The following GRIP1 variants were observed in gnomAD, a reference collection of about 807,000 sequenced individuals.
GRIP1 encodes the protein glutamate receptor-interacting protein 1.
In GRIP1, 45 loss-of-function variants were observed where a neutral mutation model predicts 129.9. The observed-to-expected ratio is 0.35, with a 90% CI of 0.27 to 0.44. The LOEUF is 0.44. Ranked by LOEUF, GRIP1 falls within the 20% of genes least tolerant of loss-of-function variation. The pLI, the probability that GRIP1 is intolerant of heterozygous loss-of-function variation, is 1.00. For missense variants in GRIP1, 1,196 were observed against 1,396.8 expected, an observed-to-expected ratio of 0.86 and a Z score of 2.29; for synonymous variants, 530 against 520.8, an observed-to-expected ratio of 1.02 and a Z score of -0.24.
At chr12:66,864,445 G>C (rs1450170762) in intron 1 of GRIP1, among the ~76,000 whole-genome samples, 1 of 152,132 alleles carries the variant, frequency 6.6e-6, no homozygotes, top group East Asian at 1.9e-4. Context: ...GCTGGGTGTG[G>C]TGGCTCACAC....
At chr12:66,942,200 T>C (rs936680690) in intron 1 of GRIP1, among the ~76,000 whole-genome samples, 3 of 152,188 alleles carry the variant, frequency 2.0e-5, no homozygotes, top group African/African-American at 7.2e-5. Context: ...TCCAAGCTAG[T>C]TGTGGCTGCC....
chr12:67,050,409 T>G (rs2043324469), intron 1 of GRIP1, among the ~76,000 whole-genome samples: 1 of 152,194 alleles, frequency 6.6e-6, no homozygotes, highest in African/African-American at 2.4e-5. Context: ...TGTAATTCAT[T>G]GTTTAAGGGC....
intron 1 of GRIP1, among the ~76,000 whole-genome samples, chr12:66,890,585 C>T (rs1333646424): frequency 6.6e-6 from 1 of 152,066 alleles, no homozygotes; most frequent in Non-Finnish European, 1.5e-5. Flanking sequence ...TTCGAAAGTA[C>T]TACAGCTGCA....
In GRIP1 at chr12:66,820,182, G is replaced by A. The variant is rs371466845; in HGVS notation, c.59-223255C>T. Among the ~76,000 whole-genome samples, 26 of 152,322 alleles carry A rather than the reference G, an allele frequency of 1.7e-4. No homozygotes were observed. In the South Asian group the frequency reaches 4.8e-3, roughly 28 times the overall value. ...TCCCAGCACTTTGGAAGGCCGAGGT[G>A]GGCATATCACGAGGTCAGGTGATCA... On this transcript the variant is annotated intron_variant, in intron 1 of 1. Coordinates refer to the GRIP1 transcript ENST00000643019.
intron 2 of GRIP1, among the ~76,000 whole-genome samples, chr12:66,575,351 C>A (rs909452307): frequency 6.6e-6 from 1 of 152,178 alleles, no homozygotes; most frequent in East Asian, 1.9e-4. Flanking sequence ...TTGGGAAAAA[C>A]ATACATTTTA....
chr12:66,860,360 T>C (rs1319424090), intron 1 of GRIP1, among the ~76,000 whole-genome samples: 2 of 152,102 alleles, frequency 1.3e-5, no homozygotes, highest in African/African-American at 4.8e-5. Context: ...CTCAGCATAA[T>C]ATGTACCAAA....
chr12:66,783,027 G>A (rs2038208930), intron 1 of GRIP1, among the ~76,000 whole-genome samples: 1 of 152,002 alleles, frequency 6.6e-6, no homozygotes, highest in Non-Finnish European at 1.5e-5. Context: ...CAGCTGAAAG[G>A]CAAATGAGTA....
At chr12:66,591,233 T>C (rs1392996959) in intron 2 of GRIP1, among the ~76,000 whole-genome samples, 1 of 152,222 alleles carries the variant, frequency 6.6e-6, no homozygotes, top group African/African-American at 2.4e-5. Context: ...ATGCTATCAG[T>C]CTTGACTTTA....
At chr12:66,649,817 A>G (rs2032657234) in intron 1 of GRIP1, among the ~76,000 whole-genome samples, 1 of 152,252 alleles carries the variant, frequency 6.6e-6, no homozygotes, top group South Asian at 2.1e-4. Context: ...ATTAAATAGT[A>G]AAATCACACA....
intron 1 of GRIP1, among the ~76,000 whole-genome samples, chr12:66,611,862 T>C (rs529162589): frequency 6.6e-6 from 1 of 152,194 alleles, no homozygotes; most frequent in Non-Finnish European, 1.5e-5. Context: ...CTAATGTTTC[T>C]AGGCTTATCT....
chr12:66,524,225 AT>A (rs1016112806), intron 5 of GRIP1, among the ~76,000 whole-genome samples: 1 of 152,108 alleles, frequency 6.6e-6, no homozygotes, highest in African/African-American at 2.4e-5. Context: ...CAGAATATAC[AT>A]TTTTTTCAGC....
chr12:66,730,998 T>TA (rs1258202605), intron 1 of GRIP1, among the ~76,000 whole-genome samples: 3 of 152,176 alleles, frequency 2.0e-5, no homozygotes, highest in African/African-American at 7.2e-5. Context: ...AAGCTGTTTT[T>TA]ATCATTGTTG....
chr12:66,660,415 G>A (rs2033426643), intron 1 of GRIP1, among the ~76,000 whole-genome samples: 1 of 152,074 alleles, frequency 6.6e-6, no homozygotes, highest in Non-Finnish European at 1.5e-5. Context: ...GAGGAAAAAT[G>A]ATTAAATTAA....
chr12:66,923,612 G>A (rs191946145), intron 1 of GRIP1, among the ~76,000 whole-genome samples: 8 of 152,148 alleles, frequency 5.3e-5, no homozygotes, highest in South Asian at 4.2e-4. Flanking sequence ...TGCCACAGCC[G>A]CCTCCACCAA....
chr12:66,405,153 G>T (rs1188525222), intron 16 of GRIP1, among the ~76,000 whole-genome samples: 1 of 152,144 alleles, frequency 6.6e-6, no homozygotes, highest in African/African-American at 2.4e-5. Flanking sequence ...ATTCTTTAAA[G>T]TCTCACTGCA....
At position 66,455,384 on chromosome 12, in the gene GRIP1, TGCCATTG is replaced by T; in HGVS notation, c.1354+18_1354+24del. The stretch of plus-strand genomic sequence containing the variant: ...GCCCACAGGTTTTTTCCAGGCCAAA[TGCCATTG>T]GCTGTCATTTCACTTACATGAGCTT... On this transcript the variant is annotated intron_variant, in intron 11 of 24. Coordinates refer to ENST00000359742, the MANE Select transcript of GRIP1 (RefSeq NM_001366722.1). The T allele has an allele frequency of 6.2e-7, 1 of 1,611,982 alleles. No individual in the cohort carries two copies. The highest frequency in any genetic ancestry group is 1.3e-5 in the African/African-American group (1 of 75,008).
chr12:66,376,452 C>T (rs1444078459), intron 22 of GRIP1, among the ~76,000 whole-genome samples: 1 of 152,052 alleles, frequency 6.6e-6, no homozygotes, highest in Non-Finnish European at 1.5e-5. Context: ...ACTTCCTAGA[C>T]TAAAGTGTGA....
rs79045648 is a variant in GRIP1, at chr12:66,544,900, A to C, written c.137-2950T>G. Among the ~76,000 whole-genome samples the C allele has an allele frequency of 6.8e-3, 1,033 of 152,260 alleles. 20 individuals carry two copies. The highest frequency in any genetic ancestry group is 0.024 in the African/African-American group (1,001 of 41,538). ...AGACAGAAGAAATGAAGACAGATGCATTCATTTGCATGAGTTCACTTATAT... is the reference window on the plus strand; with the variant it reads ...AGACAGAAGAAATGAAGACAGATGCCTTCATTTGCATGAGTTCACTTATAT... On this transcript the variant is annotated intron_variant, in intron 2 of 24. Transcript: ENST00000359742.
intron 1 of GRIP1, among the ~76,000 whole-genome samples, chr12:66,749,587 A>C (rs1457353309): frequency 6.6e-6 from 1 of 152,218 alleles, no homozygotes; most frequent in Non-Finnish European, 1.5e-5. Flanking sequence ...GGTATGCAGT[A>C]GTTAGACTTC....
Sources: gnomAD v4.1 joint callset for allele counts (sites outside exome capture counted in the v4.1 genomes callset) on GRCh38, gnomAD v4.1.1 for gene constraint, MANE v1.5 for transcripts, NCBI Gene and HGNC (gene_info 2026-07-23, HGNC 2026-07-21) for gene names.